DPF3: variants seen among roughly 807,000 people sequenced by gnomAD.
The protein encoded by DPF3 is double PHD fingers 3.
A neutral mutation model predicts 56.8 loss-of-function variants in DPF3; 18 were observed. The ratio of observed to expected loss-of-function variants is 0.32; its 90% confidence interval spans 0.22 to 0.47. DPF3 has a LOEUF of 0.47. DPF3 is among the 20% of genes least tolerant of loss of function. The probability of loss-of-function intolerance (pLI) is 1.00; values close to 1 mark genes in which losing one functional copy is unlikely to be tolerated. For synonymous variants in DPF3, 188 were observed against 180.2 expected (o/e 1.04, Z -0.35); for missense variants, 403 against 488.8 (o/e 0.82, Z 1.65).
At chr14:72,638,679 AT>A (rs1219524772) in intron 8 of DPF3, among the ~76,000 whole-genome samples, 1 of 152,200 alleles carries the variant, frequency 6.6e-6, no homozygotes, top group Non-Finnish European at 1.5e-5. Flanking sequence ...CTTCCAAAAA[AT>A]ATTCCACAGA....
intron 6 of DPF3, among the ~76,000 whole-genome samples, chr14:72,694,829 G>C (rs990981148): frequency 3.3e-5 from 5 of 152,156 alleles, no homozygotes; most frequent in African/African-American, 1.2e-4. Context: ...TCCTGCTATA[G>C]AGTTTTATTA....
chr14:72,725,678 T>G lies in DPF3; in HGVS notation c.430-1950A>C, dbSNP rs56396512. Among the ~76,000 whole-genome samples, 244 of 152,256 alleles carry G rather than the reference T, an allele frequency of 1.6e-3. 1 individual carries two copies. Among genetic ancestry groups the G allele is most frequent in the Middle Eastern group, 0.014 (4 of 294 alleles). On this transcript the variant is annotated intron_variant, in intron 4 of 10. Coordinates refer to ENST00000556509, the MANE Select transcript of DPF3 (RefSeq NM_001280542.3). ...AAATATGTTGAGAAGGCTGAGACAGTGGCACACACTGCACTGTTGTCTGAT... is the reference window on the plus strand; with the variant it reads ...AAATATGTTGAGAAGGCTGAGACAGGGGCACACACTGCACTGTTGTCTGAT...
At chr14:72,800,548 G>A (rs891392007) in intron 1 of DPF3, among the ~76,000 whole-genome samples, 3 of 151,712 alleles carry the variant, frequency 2.0e-5, no homozygotes. Flanking sequence ...ATGCACAGAT[G>A]GATGTATGGA....
At chr14:72,683,350 A>G (rs1887250354) in intron 7 of DPF3, among the ~76,000 whole-genome samples, 1 of 150,578 alleles carries the variant, frequency 6.6e-6, no homozygotes, top group Admixed American at 6.6e-5. Context: ...AAAAAAGCAA[A>G]TTCCAGGGCC....
chr14:72,774,142 G>A (rs905433208), intron 1 of DPF3, among the ~76,000 whole-genome samples: 1 of 151,840 alleles, frequency 6.6e-6, no homozygotes, highest in Admixed American at 6.6e-5. Context: ...AAAATTAGCT[G>A]GGCCTGGTGG....
At chr14:72,744,636 C>T (rs982896156) in intron 3 of DPF3, among the ~76,000 whole-genome samples, 4 of 152,142 alleles carry the variant, frequency 2.6e-5, no homozygotes, top group African/African-American at 7.2e-5. Context: ...ACCCCCCACT[C>T]TTTGCCCTGA....
intron 1 of DPF3, among the ~76,000 whole-genome samples, chr14:72,873,961 T>C (rs1257940904): frequency 6.6e-6 from 1 of 151,408 alleles, no homozygotes; most frequent in Non-Finnish European, 1.5e-5. Flanking sequence ...TTAGGAGATA[T>C]ACCTAATGTT....
intron 1 of DPF3, among the ~76,000 whole-genome samples, chr14:72,784,937 A>C (rs909839643): frequency 6.6e-6 from 1 of 151,962 alleles, no homozygotes; most frequent in East Asian, 1.9e-4. Flanking sequence ...AGCCTGGGCA[A>C]CAAGAGCAAA....
At chr14:72,829,153 G>C (rs1431890129) in intron 1 of DPF3, among the ~76,000 whole-genome samples, 1 of 152,140 alleles carries the variant, frequency 6.6e-6, no homozygotes, top group Non-Finnish European at 1.5e-5. Context: ...ACCATCATCT[G>C]CCAGGCTTTC....
intron 3 of DPF3, among the ~76,000 whole-genome samples, chr14:72,740,222 T>C (rs912994728): frequency 1.3e-5 from 2 of 152,178 alleles, no homozygotes; most frequent in Non-Finnish European, 1.5e-5. Context: ...TTGAAGGCCA[T>C]GTAGGCACCT....
intron 1 of DPF3, chr14:72,892,466 T>A (rs1249391288): frequency 7.0e-7 from 1 of 1,430,258 alleles, no homozygotes; most frequent in Admixed American, 2.9e-5. Flanking sequence ...TAACGGCAGC[T>A]TTCATATAAA....
intron 6 of DPF3, among the ~76,000 whole-genome samples, chr14:72,710,233 C>T (rs1888595135): frequency 6.6e-6 from 1 of 152,206 alleles, no homozygotes; most frequent in Non-Finnish European, 1.5e-5. Context: ...CTTCCACCTG[C>T]CTGTCCCCAG....
In DPF3 at chr14:72,619,237, T is replaced by G; in HGVS notation, c.*60A>C. On this transcript the variant is annotated 3_prime_UTR_variant, in exon 11 of 11. Transcript: ENST00000556509. ...TATGTGGGAGGAGGGCGCGTTCTGGTTTGAACTGGGCTCTGCTTTAGGATC... is the reference window on the plus strand; with the variant it reads ...TATGTGGGAGGAGGGCGCGTTCTGGGTTGAACTGGGCTCTGCTTTAGGATC... The G allele has an allele frequency of 6.6e-7, 1 of 1,511,614 alleles. No individual in the cohort carries two copies. Among genetic ancestry groups the G allele is most frequent in the Non-Finnish European group, 8.9e-7 (1 of 1,128,326 alleles). The allele number at this position is 1,511,614 out of a possible 1,614,324, so 93.6% of individuals were successfully genotyped here.
chr14:72,790,809 C>G (rs370322090), intron 1 of DPF3, among the ~76,000 whole-genome samples: 20 of 152,194 alleles, frequency 1.3e-4, no homozygotes, highest in African/African-American at 4.1e-4. Context: ...CTTCTCCCCC[C>G]TCAAGAGCCC....
At chr14:72,626,029 T>C (rs1156822666) in intron 9 of DPF3, among the ~76,000 whole-genome samples, 1 of 152,260 alleles carries the variant, frequency 6.6e-6, no homozygotes, top group Non-Finnish European at 1.5e-5. Context: ...AATACTGTTT[T>C]CCAAAGTTAC....
intron 1 of DPF3, among the ~76,000 whole-genome samples, chr14:72,831,305 A>G (rs942097011): frequency 6.6e-6 from 1 of 151,654 alleles, no homozygotes; most frequent in African/African-American, 2.4e-5. Context: ...CCCCACCAAG[A>G]CCACCTCCCC....
intron 1 of DPF3, among the ~76,000 whole-genome samples, chr14:72,847,073 C>CA (rs1884790347): frequency 6.6e-6 from 1 of 152,200 alleles, no homozygotes; most frequent in Non-Finnish European, 1.5e-5. Flanking sequence ...TCCATGCAGA[C>CA]AAGGGCTGTG....
chr14:72,850,807 A>ATGTGTG (rs61246962), intron 1 of DPF3, among the ~76,000 whole-genome samples: 1 of 151,634 alleles, frequency 6.6e-6, no homozygotes, highest in South Asian at 2.1e-4. Flanking sequence ...GCATGTGTGC[A>ATGTGTG]TGTGTGTGTG....
At chr14:72,862,965 G>T (rs894187879) in intron 1 of DPF3, among the ~76,000 whole-genome samples, 3 of 151,584 alleles carry the variant, frequency 2.0e-5, no homozygotes, top group African/African-American at 7.3e-5. Context: ...AGTATTTGTT[G>T]AATTAAATTA....
Sources: allele counts gnomAD v4.1 joint callset (sites outside exome capture counted in the v4.1 genomes callset), GRCh38; gene constraint gnomAD v4.1.1; transcripts MANE v1.5; gene names NCBI Gene and HGNC (gene_info 2026-07-23, HGNC 2026-07-21).